Variants in FHIT observed in about 807,000 individuals in gnomAD.
FHIT encodes fragile histidine triad diadenosine triphosphatase.
In FHIT, 19 loss-of-function variants were observed where a neutral mutation model predicts 17.9. The observed-to-expected ratio is 1.06, with a 90% confidence interval of 0.74 to 1.56. FHIT has a LOEUF of 1.56. FHIT is among the 40% of genes most tolerant of loss of function. The pLI is 0.00. For missense variants in FHIT, 248 were observed against 189.2 expected, an observed-to-expected ratio of 1.31 and a Z score of -1.82; for synonymous variants, 81 against 69.7, an observed-to-expected ratio of 1.16 and a Z score of -0.81.
chr3:60,619,795 C>A (rs1576984419), intron 4 of FHIT, among the ~76,000 whole-genome samples: 1 of 151,992 alleles, frequency 6.6e-6, no homozygotes, highest in East Asian at 1.9e-4. Flanking sequence ...AAGGTGCAAT[C>A]CATGAAAGAA....
At chr3:60,681,973 A>AT (rs34153115) in intron 4 of FHIT, among the ~76,000 whole-genome samples, 20,403 of 145,024 alleles carry the variant, frequency 0.14, 1,503 homozygotes, top group Admixed American at 0.19. Context: ...TAAACAGCAG[A>AT]TTTTTTTTTT....
At chr3:61,126,004 C>G (rs1350059477) in intron 2 of FHIT, among the ~76,000 whole-genome samples, 2 of 152,070 alleles carry the variant, frequency 1.3e-5, no homozygotes, top group Non-Finnish European at 2.9e-5. Context: ...AAGTAAGTGA[C>G]CAAGATCCAG....
In FHIT at chr3:60,697,106, A is replaced by G. The variant is rs762128991; in HGVS notation, c.-18+124813T>C. ...AGTATTTTCCCCCAAATTGGATTGA[A>G]TTATTAATATTTCACCTTTACAAAT... On this transcript the variant is annotated intron_variant, in intron 4 of 9. Coordinates refer to ENST00000492590, the MANE Select transcript of FHIT (RefSeq NM_002012.4). Among the ~76,000 whole-genome samples, 58 of 152,220 alleles carry G rather than the reference A, an allele frequency of 3.8e-4. 1 individual carries two copies. Among genetic ancestry groups the G allele is most frequent in the Non-Finnish European group, 6.9e-4 (47 of 68,048 alleles).
intron 1 of FHIT, among the ~76,000 whole-genome samples, chr3:61,208,934 T>C (rs981436379): frequency 2.6e-5 from 4 of 152,104 alleles, no homozygotes; most frequent in African/African-American, 9.7e-5. Flanking sequence ...AAATTTGGCA[T>C]GTTTTTGCAG....
At chr3:60,206,215 A>C (rs1703178768) in intron 5 of FHIT, among the ~76,000 whole-genome samples, 1 of 151,194 alleles carries the variant, frequency 6.6e-6, no homozygotes, top group Admixed American at 6.6e-5. Context: ...ATCTTCCAGT[A>C]ATTTCTCCCT....
chr3:60,607,134 G>T (rs1172929506), intron 4 of FHIT, among the ~76,000 whole-genome samples: 1 of 151,982 alleles, frequency 6.6e-6, no homozygotes, highest in Non-Finnish European at 1.5e-5. Context: ...CTTCCATATG[G>T]CAGTCACTAT....
chr3:60,295,360 C>T (rs1464053888), intron 5 of FHIT, among the ~76,000 whole-genome samples: 1 of 152,078 alleles, frequency 6.6e-6, no homozygotes, highest in East Asian at 1.9e-4. Flanking sequence ...CAGCATGATG[C>T]TAACATCTGC....
intron 5 of FHIT, among the ~76,000 whole-genome samples, chr3:60,046,296 G>A (rs559926943): frequency 6.6e-6 from 1 of 152,314 alleles, no homozygotes; most frequent in African/African-American, 2.4e-5. Context: ...CAAACATAGG[G>A]TGTTCAATAA....
intron 4 of FHIT, among the ~76,000 whole-genome samples, chr3:60,639,903 A>G (rs560219197): frequency 2.6e-5 from 4 of 152,204 alleles, no homozygotes; most frequent in Admixed American, 6.5e-5. Flanking sequence ...ATGTGAACCA[A>G]GTGAATGGAT....
chr3:60,677,779 A>T (rs1390280675), intron 4 of FHIT, among the ~76,000 whole-genome samples: 1 of 152,174 alleles, frequency 6.6e-6, no homozygotes, highest in Non-Finnish European at 1.5e-5. Flanking sequence ...GAATTTGGCT[A>T]TGAAGCCATC....
Position 59,749,096 on chromosome 3 carries a change from CA to C in FHIT, c.*488del, listed in dbSNP as rs1420197553. ...ACAATTTTTAAAGTCTAGCTATGTC[CA>C]AATATTTCATAATTGCCCTATTTAC... On this transcript the variant is annotated 3_prime_UTR_variant, in exon 10 of 10. Transcript: ENST00000492590. 2.6e-5 allele frequency among the ~76,000 whole-genome samples: 4 copies of C among 152,146 alleles called. No homozygotes were observed. In the East Asian group the frequency reaches 7.7e-4, roughly 29 times the overall value.
chr3:60,499,479 C>G (rs1223648517), intron 5 of FHIT, among the ~76,000 whole-genome samples: 1 of 152,012 alleles, frequency 6.6e-6, no homozygotes, highest in African/African-American at 2.4e-5. Flanking sequence ...TTAAGCTCCT[C>G]CTCCCGGGTT....
chr3:60,511,791 G>A (rs1014886946), intron 5 of FHIT, among the ~76,000 whole-genome samples: 2 of 152,094 alleles, frequency 1.3e-5, no homozygotes, highest in Non-Finnish European at 2.9e-5. Context: ...AGTATGTTAT[G>A]CCAGGAAATG....
chr3:61,138,379 C>A (rs1473495488), intron 2 of FHIT, among the ~76,000 whole-genome samples: 1 of 152,176 alleles, frequency 6.6e-6, no homozygotes, highest in African/African-American at 2.4e-5. Context: ...TGAGCAGACA[C>A]CAGAAACAAA....
intron 5 of FHIT, among the ~76,000 whole-genome samples, chr3:60,039,349 A>C (rs971078929): frequency 1.3e-5 from 2 of 152,218 alleles, no homozygotes; most frequent in Admixed American, 6.5e-5. Flanking sequence ...GGGCTTTGGC[A>C]TAAGAGCATG....
rs536975082 is a variant in FHIT, at chr3:61,101,440, C to A, written c.-163-59341G>T. On this transcript the variant is annotated intron_variant, in intron 2 of 9. Transcript: ENST00000492590. ...CTATCTCTCTGTTTTGGTGCCAGTA[C>A]CGTGATGTTTTGGTTACTGCAGTCT... Among the ~76,000 whole-genome samples the A allele has an allele frequency of 5.3e-5, 8 of 152,026 alleles. No homozygotes were observed. In the South Asian group the frequency reaches 1.7e-3, roughly 32 times the overall value.
chr3:61,084,945 C>T (rs1167381659), intron 2 of FHIT, among the ~76,000 whole-genome samples: 1 of 152,190 alleles, frequency 6.6e-6, no homozygotes, highest in Admixed American at 6.5e-5. Context: ...TCACATAATA[C>T]TTTTGAAGCA....
Position 60,945,242 on chromosome 3 carries a change from G to C in FHIT, c.-111+96805C>G, listed in dbSNP as rs144109524. ...GCAAGAGCAAATACAAAGATGTTGA[G>C]AAGAACAGCAAGAAAACCAATGTCA... is the stretch of plus-strand genomic sequence containing the variant. On this transcript the variant is annotated intron_variant, in intron 3 of 9. Transcript: ENST00000492590. Among the ~76,000 whole-genome samples the C allele has an allele frequency of 9.2e-5, 14 of 152,254 alleles. No homozygotes were observed. The East Asian group carries it at 2.7e-3, about 29-fold the overall frequency.
At chr3:61,169,381 T>C (rs770136485) in intron 2 of FHIT, among the ~76,000 whole-genome samples, 1 of 152,232 alleles carries the variant, frequency 6.6e-6, no homozygotes, top group African/African-American at 2.4e-5. Context: ...TGCCTGGTTC[T>C]CTCAAATCAT....
Sources: allele counts gnomAD v4.1 joint callset (sites outside exome capture counted in the v4.1 genomes callset), GRCh38; gene constraint gnomAD v4.1.1; transcripts MANE v1.5; gene names NCBI Gene and HGNC (gene_info 2026-07-23, HGNC 2026-07-21).